TOX: variants seen among roughly 807,000 people sequenced by gnomAD.
TOX encodes the protein thymocyte selection-associated high mobility group box protein TOX.
Under a neutral mutation model 53.7 loss-of-function variants are expected in TOX, and 11 were observed. The ratio of observed to expected loss-of-function variants is 0.20; its 90% CI spans 0.13 to 0.34. TOX has a LOEUF of 0.34. TOX is among the 10% of genes least tolerant of loss of function. The pLI, the probability that TOX is intolerant of heterozygous loss-of-function variation, is 1.00. For synonymous variants in TOX, 225 were observed against 245.3 expected (o/e 0.92, Z 0.77); for missense variants, 570 against 664.6 (o/e 0.86, Z 1.56).
rs201823077 is a variant in TOX, at chr8:58,815,630, G to A, written c.1100C>T (p.Ser367Leu). The change falls in exon 7 of 9, where the codon TCG becomes TTG. Residue 367 changes from serine to leucine, a missense_variant. Ser to Leu is a moderately radical substitution (Grantham distance 145). Coordinates refer to ENST00000361421, the MANE Select transcript of TOX (RefSeq NM_014729.3). The part of the protein sequence containing the change: ...SVFHGPSQAH[S>L]ALYLSSHYHQ... ...ATAGTGGGAACTTAGGTACAGGGCC[G>A]AGTGGGCCTGGCTGGGCCCATGGAA... The A allele has an allele frequency of 4.1e-4, 659 of 1,614,142 alleles. 1 individual carries two copies. Among genetic ancestry groups the A allele is most frequent in the Middle Eastern group, 4.9e-4 (3 of 6,062 alleles).
intron 1 of TOX, among the ~76,000 whole-genome samples, chr8:59,090,960 T>A (rs912000244): frequency 3.3e-5 from 5 of 152,152 alleles, no homozygotes; most frequent in African/African-American, 9.7e-5. Flanking sequence ...TAGGTCCCTA[T>A]GCCATCTCCA....
chr8:59,066,286 G>C (rs1804092072), intron 1 of TOX, among the ~76,000 whole-genome samples: 1 of 152,198 alleles, frequency 6.6e-6, no homozygotes, highest in Admixed American at 6.5e-5. Context: ...TTAAAGGCTT[G>C]ACAAGTAGGA....
intron 1 of TOX, among the ~76,000 whole-genome samples, chr8:59,034,204 G>C (rs1814413217): frequency 6.6e-6 from 1 of 152,188 alleles, no homozygotes; most frequent in African/African-American, 2.4e-5. Context: ...ACAGTTTAAA[G>C]ATAGAACAGC....
At chr8:58,874,037 C>G (rs55924550) in intron 3 of TOX, among the ~76,000 whole-genome samples, 1 of 126,814 alleles carries the variant, frequency 7.9e-6, no homozygotes, top group Admixed American at 9.8e-5. Flanking sequence ...TGACAAGGAG[C>G]TGGGTCCTAT....
intron 5 of TOX, among the ~76,000 whole-genome samples, chr8:58,831,856 C>T (rs1432330720): frequency 6.6e-6 from 1 of 152,098 alleles, no homozygotes; most frequent in Non-Finnish European, 1.5e-5. Context: ...TTACAATGTA[C>T]ATCAATGGAA....
At chr8:58,885,296 G>A (rs562369192) in intron 3 of TOX, among the ~76,000 whole-genome samples, 26 of 152,178 alleles carry the variant, frequency 1.7e-4, no homozygotes, top group African/African-American at 5.8e-4. Context: ...TTAATGTATA[G>A]TTTTCTTTGA....
chr8:58,926,308 C>T (rs1173359901), intron 3 of TOX, among the ~76,000 whole-genome samples: 2 of 152,128 alleles, frequency 1.3e-5, no homozygotes, highest in Non-Finnish European at 2.9e-5. Flanking sequence ...TTCTGGTCCT[C>T]ACTCTGGGGT....
intron 1 of TOX, among the ~76,000 whole-genome samples, chr8:59,010,918 T>G (rs566159495): frequency 2.6e-5 from 4 of 152,324 alleles, no homozygotes; most frequent in Admixed American, 2.6e-4. Context: ...TATGTGTGCC[T>G]ATCTGCATAG....
Position 58,819,692 on chromosome 8 carries a change from T to C in TOX, c.1006-3968A>G, listed in dbSNP as rs372037514. Among the ~76,000 whole-genome samples, 8 of 152,366 alleles carry C rather than the reference T, an allele frequency of 5.3e-5. No homozygotes were observed. The East Asian group carries it at 7.7e-4, about 15-fold the overall frequency. ...ATAATGAAGATAATACTGCATAGTG[T>C]ATAAATTTCCCCATTCTGGGATGAT... is the stretch of plus-strand genomic sequence containing the variant. On this transcript the variant is annotated intron_variant, in intron 6 of 8. Transcript: ENST00000361421.
At chr8:58,871,455 G>A (rs984125277) in intron 3 of TOX, among the ~76,000 whole-genome samples, 1 of 152,128 alleles carries the variant, frequency 6.6e-6, no homozygotes, top group Non-Finnish European at 1.5e-5. Context: ...AAAGTATAAT[G>A]TGACAAAAGA....
intron 1 of TOX, among the ~76,000 whole-genome samples, chr8:58,978,157 G>C (rs1563407346): frequency 2.0e-5 from 3 of 152,156 alleles, no homozygotes; most frequent in Admixed American, 6.5e-5. Context: ...TAGGCATGGG[G>C]GAGGAGTCTC....
chr8:59,010,369 T>A (rs1288472863), intron 1 of TOX, among the ~76,000 whole-genome samples: 1 of 152,242 alleles, frequency 6.6e-6, no homozygotes, highest in Non-Finnish European at 1.5e-5. Context: ...TGAAAGAATT[T>A]AAAAATTCAG....
intron 3 of TOX, among the ~76,000 whole-genome samples, chr8:58,887,796 T>C (rs1224595009): frequency 6.6e-6 from 1 of 152,098 alleles, no homozygotes; most frequent in African/African-American, 2.4e-5. Flanking sequence ...ATTTGGTTTT[T>C]ATACGTTTTA....
intron 1 of TOX, among the ~76,000 whole-genome samples, chr8:59,047,360 G>T (rs755770439): frequency 6.6e-6 from 1 of 151,390 alleles, no homozygotes; most frequent in Non-Finnish European, 1.5e-5. Context: ...GGGACTACAG[G>T]CGCCCGCCAC....
At chr8:58,890,464 A>G (rs1811543365) in intron 3 of TOX, among the ~76,000 whole-genome samples, 1 of 152,182 alleles carries the variant, frequency 6.6e-6, no homozygotes, top group African/African-American at 2.4e-5. Context: ...AAAGCATAAG[A>G]AGCGTTCATA....
intron 3 of TOX, among the ~76,000 whole-genome samples, chr8:58,913,697 A>G (rs1811948522): frequency 6.6e-6 from 1 of 152,194 alleles, no homozygotes; most frequent in Non-Finnish European, 1.5e-5. Context: ...TGAAGCTAGT[A>G]GATGCTTAAT....
intron 5 of TOX, among the ~76,000 whole-genome samples, chr8:58,828,854 C>A (rs1037958174): frequency 6.6e-6 from 1 of 152,122 alleles, no homozygotes; most frequent in Non-Finnish European, 1.5e-5. Context: ...GGGTTTTTCT[C>A]CCATACAGAT....
intron 1 of TOX, among the ~76,000 whole-genome samples, chr8:59,072,781 T>C (rs192326624): frequency 2.0e-5 from 3 of 152,218 alleles, no homozygotes; most frequent in Non-Finnish European, 2.9e-5. Context: ...AGTTTAATAA[T>C]ACTTTTAAGT....
At chr8:58,929,615 C>T (rs2129175576) in intron 3 of TOX, among the ~76,000 whole-genome samples, 1 of 152,076 alleles carries the variant, frequency 6.6e-6, no homozygotes, top group South Asian at 2.1e-4. Context: ...TCATTGTTCT[C>T]CTGAAAAATA....
Sources: allele counts gnomAD v4.1 joint callset (sites outside exome capture counted in the v4.1 genomes callset), GRCh38; gene constraint gnomAD v4.1.1; transcripts MANE v1.5; gene names NCBI Gene and HGNC (gene_info 2026-07-23, HGNC 2026-07-21).